Variants in PRDM10 observed in about 807,000 individuals in gnomAD.
PRDM10 encodes the protein PR domain zinc finger protein 10.
PRDM10 carries 65 observed loss-of-function variants against 133.1 expected under a neutral mutation model. The observed-to-expected ratio is 0.49, with a 90% CI of 0.40 to 0.60. PRDM10 has a LOEUF of 0.60. PRDM10 is among the 20% of genes least tolerant of loss of function. PRDM10 has a pLI of 0.00. For missense variants in PRDM10, 1,137 were observed against 1,507.1 expected (o/e 0.75, Z 4.07); for synonymous variants, 582 against 580.4 (o/e 1.00, Z -0.04).
intron 11 of PRDM10, among the ~76,000 whole-genome samples, chr11:129,928,591 C>G (rs953623251): frequency 3.3e-5 from 5 of 152,016 alleles, no homozygotes; most frequent in African/African-American, 1.2e-4. Context: ...GACAGGGTTT[C>G]ACCACGTTGC....
In PRDM10 at chr11:130,002,713, G is replaced by A. The variant is rs1162999780; in HGVS notation, c.-119+9C>T. On this transcript the variant is annotated intron_variant, in intron 1 of 20. Coordinates refer to ENST00000360871, the MANE Select transcript of PRDM10 (RefSeq NM_199437.2). ...CTTATCTGGTTCCCTTAATCCTTTA[G>A]GTACTTACACGACGTTGGGTGAGGG... 2 of 160,962 alleles carry A rather than the reference G, an allele frequency of 1.2e-5. No individual in the cohort carries two copies. Among genetic ancestry groups the A allele is most frequent in the African/African-American group, 4.8e-5 (2 of 41,472 alleles). 10.0% of individuals were successfully genotyped at this position (160,962 alleles called of 1,614,324 possible). A position where few individuals can be genotyped will look rare whatever the true frequency, so the allele number is the denominator to read the frequency against.
At chr11:129,997,237 G>C (rs1029650793) in intron 1 of PRDM10, among the ~76,000 whole-genome samples, 2 of 152,202 alleles carry the variant, frequency 1.3e-5, no homozygotes, top group African/African-American at 4.8e-5. Context: ...CCAGCACTTT[G>C]GGAGGCAGAG....
intron 9 of PRDM10, among the ~76,000 whole-genome samples, chr11:129,934,870 A>C (rs1185640829): frequency 6.6e-6 from 1 of 152,244 alleles, no homozygotes; most frequent in Non-Finnish European, 1.5e-5. Flanking sequence ...AGATTTACCT[A>C]AGGTGAAAGC....
chr11:129,986,548 G>A (rs994266371), intron 1 of PRDM10, among the ~76,000 whole-genome samples: 56 of 152,172 alleles, frequency 3.7e-4, no homozygotes, highest in African/African-American at 1.2e-3. Context: ...CACCATGGCC[G>A]GCTAATTTTT....
rs1950382697 is a variant in PRDM10, at chr11:129,917,113, T to C, written c.2325+14A>G. 1.9e-6 allele frequency: 3 copies of C among 1,576,176 alleles called. No homozygotes were observed. The highest frequency in any genetic ancestry group is 1.7e-6 in the Non-Finnish European group (2 of 1,147,020). ...AACCCCAGTGGCATACCAATATGAA[T>C]ATTTCCCTTTTACCTTATCGCAATA... On this transcript the variant is annotated intron_variant, in intron 15 of 20. Transcript: ENST00000360871.
intron 6 of PRDM10, among the ~76,000 whole-genome samples, chr11:129,943,176 T>C (rs1308207598): frequency 6.6e-6 from 1 of 152,098 alleles, no homozygotes; most frequent in South Asian, 2.1e-4. Context: ...AAGCAAGTAG[T>C]AGAGAGGGCT....
At chr11:129,990,909 A>C (rs1471497017) in intron 1 of PRDM10, among the ~76,000 whole-genome samples, 1 of 152,170 alleles carries the variant, frequency 6.6e-6, no homozygotes, top group African/African-American at 2.4e-5. Context: ...TATTGCCTTC[A>C]TAAAAACTCC....
intron 1 of PRDM10, among the ~76,000 whole-genome samples, chr11:129,981,999 T>TA (rs1394230302): frequency 6.6e-6 from 1 of 152,252 alleles, no homozygotes; most frequent in African/African-American, 2.4e-5. Context: ...GGCTCACAGC[T>TA]ATAATTCCAA....
chr11:129,909,375 G>A (rs150602451), intron 19 of PRDM10, among the ~76,000 whole-genome samples: 4,194 of 151,802 alleles, frequency 0.028, 208 homozygotes, highest in African/African-American at 0.096. Flanking sequence ...ACTTGAACCC[G>A]GGAGGCGGAG....
chr11:129,958,044 T>C, intron 2 of PRDM10, 134 bp from the exon 3 acceptor site: 1 of 1,008,372 alleles, frequency 9.9e-7, no homozygotes, highest in South Asian at 1.7e-5. Context: ...ACCGAGGTGG[T>C]GACTAGGGGA....
Position 129,935,315 on chromosome 11 carries a change from C to T in PRDM10, c.1040-97G>A. 5 of 881,036 alleles carry T rather than the reference C, an allele frequency of 5.7e-6. No homozygotes were observed. The Admixed American group carries it at 8.8e-5, about 16-fold the overall frequency. The allele number at this position is 881,036 out of a possible 1,614,324, so 54.6% of individuals were successfully genotyped here. On this transcript the variant is annotated intron_variant, in intron 8 of 20. Coordinates refer to ENST00000360871, the MANE Select transcript of PRDM10 (RefSeq NM_199437.2). ...CCCCACCATTCTTATCTTGCTGCAG[C>T]CCAAAGAGTTCATAACTATATAGTA...
intron 1 of PRDM10, among the ~76,000 whole-genome samples, chr11:129,982,841 G>A (rs929712897): frequency 2.0e-5 from 3 of 151,878 alleles, no homozygotes; most frequent in Admixed American, 6.6e-5. Context: ...ACACCTAGTG[G>A]TCCAAGCTAC....
intron 6 of PRDM10, among the ~76,000 whole-genome samples, chr11:129,944,329 T>C (rs943687713): frequency 3.3e-5 from 5 of 152,126 alleles, no homozygotes; most frequent in Admixed American, 3.3e-4. Context: ...GCGCGGTGGC[T>C]CACGCCTGTA....
rs763342261 is a variant in PRDM10 at position 129,944,905 on chromosome 11, G to C, written c.628C>G (p.Leu210Val). The C allele has an allele frequency of 3.7e-6, 6 of 1,613,982 alleles. No homozygotes were observed. Among genetic ancestry groups the C allele is most frequent in the Admixed American group, 3.3e-5 (2 of 59,984 alleles). ...VLTRARASLP[L>V]VLYIDRFLGG... ...AGAAACCTGTCTATGTAGAGCACCAGGGGGAGGCTCGCCCTGGCCCGGGTG... is the reference window on the plus strand; with the variant it reads ...AGAAACCTGTCTATGTAGAGCACCACGGGGAGGCTCGCCCTGGCCCGGGTG... The change falls in exon 6 of 21, where the codon CTG (leucine) becomes GTG (valine). Residue 210 changes from leucine (L) to valine (V), a missense_variant. Physicochemically the swap from Leu to Val is conservative, Grantham distance 32. Transcript: ENST00000360871.
intron 18 of PRDM10, 53 bp downstream of exon 18, chr11:129,912,032 G>C: frequency 6.7e-7 from 1 of 1,491,650 alleles, no homozygotes; most frequent in Non-Finnish European, 9.0e-7. Context: ...CATTAACTCT[G>C]ATAATCCCTG....
In PRDM10 at chr11:129,947,078, A is replaced by T. The variant is rs1951438939; in HGVS notation, c.520+67T>A. ...ACGCACGGGAGCTATGTTCACACAC[A>T]CGCACACGTACACAGACACACAAGA... On this transcript the variant is annotated intron_variant, in intron 5 of 20. Transcript: ENST00000360871. This position sits in a 1 kb window ranked among gnomAD's most constrained non-coding sequence, Gnocchi z 4.6. The T allele has an allele frequency of 6.3e-7, 1 of 1,575,438 alleles. No homozygotes were observed. Among genetic ancestry groups the T allele is most frequent in the Admixed American group, 1.7e-5 (1 of 58,042 alleles).
chr11:129,992,594 T>C (rs894061587), intron 1 of PRDM10, among the ~76,000 whole-genome samples: 1 of 152,140 alleles, frequency 6.6e-6, no homozygotes, highest in African/African-American at 2.4e-5. Flanking sequence ...AGGTTAGACT[T>C]GATCTCGAGG....
At chr11:129,967,608 A>C (rs1951933849) in intron 1 of PRDM10, among the ~76,000 whole-genome samples, 1 of 152,178 alleles carries the variant, frequency 6.6e-6, no homozygotes, top group Non-Finnish European at 1.5e-5. Flanking sequence ...CACATTTTTT[A>C]GTACATGGCA....
intron 8 of PRDM10, among the ~76,000 whole-genome samples, chr11:129,936,629 G>A (rs906581070): frequency 6.6e-6 from 1 of 151,956 alleles, no homozygotes; most frequent in African/African-American, 2.4e-5. Flanking sequence ...CTCCAGCCTC[G>A]GTGACAGAGC....
Sources: gnomAD v4.1 joint callset for allele counts (sites outside exome capture counted in the v4.1 genomes callset) on GRCh38, gnomAD v4.1.1 for gene constraint, Gnocchi (gnomAD v3.1) non-coding constraint, MANE v1.5 for transcripts, NCBI Gene and HGNC (gene_info 2026-07-23, HGNC 2026-07-21) for gene names.